TMTC2: variants seen among roughly 807,000 people sequenced by gnomAD.
TMTC2 encodes the protein transmembrane O-mannosyltransferase targeting cadherins 2, also known as protein O-mannosyl-transferase TMTC2.
Under a neutral mutation model 82.4 loss-of-function variants are expected in TMTC2, and 43 were observed. That is an observed-to-expected ratio of 0.52 (90% CI 0.41 to 0.67). The LOEUF (loss-of-function observed/expected upper bound fraction) is 0.67. Ranked by LOEUF, TMTC2 falls within the 30% of genes least tolerant of loss-of-function variation. TMTC2 has a pLI of 0.00. For synonymous variants in TMTC2, 408 were observed against 381.9 expected (o/e 1.07, Z -0.80); for missense variants, 919 against 1,012.4 (o/e 0.91, Z 1.25).
chr12:83,052,778 G>C (rs1179819080), intron 10 of TMTC2, among the ~76,000 whole-genome samples: 2 of 152,054 alleles, frequency 1.3e-5, no homozygotes, highest in African/African-American at 4.8e-5. Context: ...AGTTGCCTTA[G>C]TGCTAGAAAC....
At chr12:83,007,405 T>G (rs887190251) in intron 8 of TMTC2, among the ~76,000 whole-genome samples, 1 of 152,224 alleles carries the variant, frequency 6.6e-6, no homozygotes, top group Non-Finnish European at 1.5e-5. Context: ...GCATTTAATA[T>G]GATTTTATTT....
At chr12:83,117,419 A>G (rs2137555092) in intron 11 of TMTC2, among the ~76,000 whole-genome samples, 1 of 152,344 alleles carries the variant, frequency 6.6e-6, no homozygotes, top group East Asian at 1.9e-4. Flanking sequence ...AAGATAATTC[A>G]CTACGATCAA....
chr12:82,936,015 G>A (rs1029444849), intron 4 of TMTC2, among the ~76,000 whole-genome samples: 1 of 151,826 alleles, frequency 6.6e-6, no homozygotes, highest in Non-Finnish European at 1.5e-5. Flanking sequence ...GTAACGTAGG[G>A]CAAAATAAAA....
chr12:82,933,200 G>A (rs1876137447), intron 4 of TMTC2, among the ~76,000 whole-genome samples: 1 of 152,154 alleles, frequency 6.6e-6, no homozygotes, highest in South Asian at 2.1e-4. Flanking sequence ...TATTGGCAAT[G>A]ATTGGAAAGT....
At position 82,939,701 on chromosome 12, in the gene TMTC2, G is replaced by A. The variant is rs369629011; in HGVS notation, c.1598+9156G>A. ...AATCCCTATATAAACACAGTTCATT[G>A]CTATGGACTCTATTCTGTTCTGTTG... On this transcript the variant is annotated intron_variant, in intron 4 of 11. Transcript: ENST00000321196. Among the ~76,000 whole-genome samples the A allele has an allele frequency of 1.3e-4, 20 of 152,158 alleles. No individual in the cohort carries two copies. In the South Asian group the frequency reaches 4.2e-3, roughly 32 times the overall value.
intron 11 of TMTC2, among the ~76,000 whole-genome samples, chr12:83,128,482 G>A (rs1012024152): frequency 6.6e-6 from 1 of 151,916 alleles, no homozygotes; most frequent in African/African-American, 2.4e-5. Context: ...TATTTTGGGG[G>A]AGGATAGGTG....
At chr12:82,781,299 T>C (rs1467397039) in intron 1 of TMTC2, among the ~76,000 whole-genome samples, 1 of 152,060 alleles carries the variant, frequency 6.6e-6, no homozygotes, top group South Asian at 2.1e-4. Flanking sequence ...AAGAAAGAAT[T>C]TTTATTGCTA....
chr12:83,008,827 A>C (rs1454606515), intron 8 of TMTC2, among the ~76,000 whole-genome samples: 1 of 152,094 alleles, frequency 6.6e-6, no homozygotes, highest in Non-Finnish European at 1.5e-5. Flanking sequence ...CAGCTGCTAG[A>C]GGCTTCAAAT....
chr12:82,777,678 T>C (rs1187194310), intron 1 of TMTC2, among the ~76,000 whole-genome samples: 1 of 152,162 alleles, frequency 6.6e-6, no homozygotes, highest in Non-Finnish European at 1.5e-5. Context: ...GTTGCCTTGC[T>C]CACAAACTGC....
At chr12:82,965,814 A>G (rs749963625) in intron 6 of TMTC2, 70 bp downstream of exon 6, 9 of 1,569,366 alleles carry the variant, frequency 5.7e-6, no homozygotes, top group African/African-American at 1.4e-5. Flanking sequence ...TTTGTAACCT[A>G]CAGCCTCCTT....
intron 3 of TMTC2, among the ~76,000 whole-genome samples, chr12:82,908,302 CCTT>C (rs1874432632): frequency 6.6e-6 from 1 of 151,922 alleles, no homozygotes. Context: ...CTATACTTCT[CCTT>C]ATTTCTTGTT....
In TMTC2 at chr12:83,134,627, G is replaced by GT. The variant is rs1885379623; in HGVS notation, c.*2238_*2239insT. On this transcript the variant is annotated 3_prime_UTR_variant, in exon 12 of 12. Coordinates refer to ENST00000321196, the MANE Select transcript of TMTC2 (RefSeq NM_152588.3). The stretch of plus-strand genomic sequence containing the variant: ...TTCGGGGGGAGGGTTGGGGCAAGGG[G>GT]GGGTGGGCGTTAGAACATGATCAAA... 1 of 148,286 alleles carries GT rather than the reference G, an allele frequency of 6.7e-6. No individual in the cohort carries two copies. Among genetic ancestry groups the GT allele is most frequent in the African/African-American group, 2.5e-5 (1 of 39,418 alleles). 9.2% of individuals were successfully genotyped at this position (148,286 alleles called of 1,614,324 possible).
intron 2 of TMTC2, among the ~76,000 whole-genome samples, chr12:82,881,517 T>C (rs572013967): frequency 2.6e-5 from 4 of 152,342 alleles, no homozygotes; most frequent in South Asian, 4.1e-4. Context: ...AAATTGCATA[T>C]TTTCAAGTTG....
chr12:82,897,733 C>G (rs1443991153), intron 3 of TMTC2, among the ~76,000 whole-genome samples: 1 of 151,900 alleles, frequency 6.6e-6, no homozygotes, highest in Non-Finnish European at 1.5e-5. Flanking sequence ...ACCACGTTAG[C>G]CAGGCCGGTC....
At chr12:82,986,219 T>A in intron 8 of TMTC2, 173 bp downstream of exon 8, 1 of 823,624 alleles carries the variant, frequency 1.2e-6, no homozygotes, top group Non-Finnish European at 1.9e-6. Context: ...TTACTTTGCC[T>A]ATGAGGTTTG....
rs555894123 is a variant in TMTC2, at chr12:82,837,361, T to C, written c.84-19649T>C. On this transcript the variant is annotated intron_variant, in intron 1 of 11. Transcript: ENST00000321196. ...GGTGACGCACATCTGTAGTCCCGGATACTTGGGAGGCTGAGGCTGGATGAT... is the reference window on the plus strand; with the variant it reads ...GGTGACGCACATCTGTAGTCCCGGACACTTGGGAGGCTGAGGCTGGATGAT... Among the ~76,000 whole-genome samples, 126 of 152,228 alleles carry C rather than the reference T, an allele frequency of 8.3e-4. 1 individual carries two copies. Among genetic ancestry groups the C allele is most frequent in the South Asian group, 3.7e-3 (18 of 4,818 alleles).
chr12:82,924,381 A>G (rs1565812169), intron 3 of TMTC2, among the ~76,000 whole-genome samples: 1 of 152,208 alleles, frequency 6.6e-6, no homozygotes, highest in East Asian at 1.9e-4. Context: ...TTTGTGGGTT[A>G]TACAGTGACG....
intron 11 of TMTC2, among the ~76,000 whole-genome samples, chr12:83,104,690 G>A (rs1038381118): frequency 2.0e-5 from 3 of 152,208 alleles, no homozygotes; most frequent in Non-Finnish European, 4.4e-5. Context: ...TGTGGTGAGA[G>A]GAGCTGCTGT....
At chr12:82,955,965 C>T (rs1370002316) in intron 4 of TMTC2, among the ~76,000 whole-genome samples, 1 of 151,940 alleles carries the variant, frequency 6.6e-6, no homozygotes, top group Non-Finnish European at 1.5e-5. Context: ...TTTAAATTCA[C>T]ATTAATATAT....
Sources: gnomAD v4.1 joint callset for allele counts (sites outside exome capture counted in the v4.1 genomes callset) on GRCh38, gnomAD v4.1.1 for gene constraint, MANE v1.5 for transcripts, NCBI Gene and HGNC (gene_info 2026-07-23, HGNC 2026-07-21) for gene names.